Variants in NRG3 observed in about 807,000 individuals in gnomAD.
The protein encoded by NRG3 is pro-neuregulin-3, membrane-bound isoform.
Under a neutral mutation model 66.9 loss-of-function variants are expected in NRG3, and 31 were observed. The observed-to-expected ratio is 0.46, with a 90% confidence interval of 0.35 to 0.63. The LOEUF (loss-of-function observed/expected upper bound fraction) is 0.63, where lower values mean the gene tolerates loss of function less well. NRG3 is among the 20% of genes least tolerant of loss of function. NRG3 has a pLI of 0.00. For synonymous variants in NRG3, 393 were observed against 359.4 expected, an observed-to-expected ratio of 1.09 and a Z score of -1.06; for missense variants, 910 against 878.9, an observed-to-expected ratio of 1.04 and a Z score of -0.45.
chr10:82,553,197 C>T (rs1300413314), intron 2 of NRG3, among the ~76,000 whole-genome samples: 2 of 152,032 alleles, frequency 1.3e-5, no homozygotes, highest in African/African-American at 2.4e-5. Context: ...TTGTCCACAG[C>T]GGTCATAATA....
chr10:82,730,896 C>T (rs1467299097), intron 2 of NRG3, among the ~76,000 whole-genome samples: 5 of 152,070 alleles, frequency 3.3e-5, no homozygotes, highest in Admixed American at 6.6e-5. Flanking sequence ...TTTTGTCCAC[C>T]CAGAACACAC....
intron 3 of NRG3, among the ~76,000 whole-genome samples, chr10:82,775,408 G>C (rs375298700): frequency 4.0e-5 from 6 of 151,740 alleles, no homozygotes; most frequent in East Asian, 1.9e-4. Flanking sequence ...CTTTATATTT[G>C]TGAATTTACC....
chr10:82,487,086 C>CTA (rs991933031), intron 2 of NRG3, among the ~76,000 whole-genome samples: 17 of 147,730 alleles, frequency 1.2e-4, no homozygotes, highest in African/African-American at 3.7e-4. Context: ...ATATAATACA[C>CTA]TATATATATC....
At chr10:82,874,848 G>T (rs1422100575) in intron 4 of NRG3, among the ~76,000 whole-genome samples, 1 of 152,176 alleles carries the variant, frequency 6.6e-6, no homozygotes, top group Non-Finnish European at 1.5e-5. Flanking sequence ...TTTCCTCAAA[G>T]AGGTTGTACT....
Position 82,146,715 on chromosome 10 carries a change from A to T in NRG3, c.824-212024A>T, listed in dbSNP as rs369076204. Among the ~76,000 whole-genome samples, 13 of 152,182 alleles carry T rather than the reference A, an allele frequency of 8.5e-5. No homozygotes were observed. The East Asian group carries it at 1.2e-3, about 14-fold the overall frequency. Reference sequence around the variant, plus strand: ...GTATGGAAGGAGGTGGGAAGTGGAGAAAGGAGAGTAACCCATTACCTGTCT... The same window carrying T: ...GTATGGAAGGAGGTGGGAAGTGGAGTAAGGAGAGTAACCCATTACCTGTCT... On this transcript the variant is annotated intron_variant, in intron 1 of 8. Transcript: ENST00000372141.
intron 2 of NRG3, among the ~76,000 whole-genome samples, chr10:82,529,563 C>G (rs1178958767): frequency 2.6e-5 from 4 of 152,166 alleles, no homozygotes; most frequent in Non-Finnish European, 4.4e-5. Flanking sequence ...ACCTTTTTAG[C>G]AGCAGTAGCT....
intron 1 of NRG3, chr10:82,232,479 C>T: frequency 2.1e-5 from 8 of 385,598 alleles, no homozygotes; most frequent in Non-Finnish European, 4.0e-5. Context: ...CTTGTGCTTA[C>T]AGTAGAGATG....
chr10:82,698,832 C>T (rs2055609199), intron 2 of NRG3, among the ~76,000 whole-genome samples: 1 of 152,094 alleles, frequency 6.6e-6, no homozygotes, highest in South Asian at 2.1e-4. Flanking sequence ...GTACTCAGTG[C>T]CACTCTCCAA....
chr10:82,095,300 C>A (rs1240888871), intron 1 of NRG3, among the ~76,000 whole-genome samples: 8 of 148,694 alleles, frequency 5.4e-5, no homozygotes, highest in African/African-American at 7.4e-5. Flanking sequence ...TTGCTTAAGC[C>A]AAAAAAAAAA....
intron 1 of NRG3, among the ~76,000 whole-genome samples, chr10:82,292,911 G>T (rs915857781): frequency 6.6e-6 from 1 of 152,174 alleles, no homozygotes; most frequent in Admixed American, 6.5e-5. Flanking sequence ...TCTGCATCTT[G>T]AGGGTGTCAA....
chr10:82,721,304 T>A (rs1021664267), intron 2 of NRG3, among the ~76,000 whole-genome samples: 1 of 150,408 alleles, frequency 6.6e-6, no homozygotes, highest in Non-Finnish European at 1.5e-5. Flanking sequence ...GCTAATTTTT[T>A]GTATTTTTTT....
At chr10:82,310,338 T>C (rs1347827664) in intron 1 of NRG3, among the ~76,000 whole-genome samples, 1 of 152,212 alleles carries the variant, frequency 6.6e-6, no homozygotes, top group Non-Finnish European at 1.5e-5. Context: ...TCAGGTTGAA[T>C]GCTGTTCATT....
intron 1 of NRG3, among the ~76,000 whole-genome samples, chr10:82,086,128 T>A (rs2065712255): frequency 6.6e-6 from 1 of 151,806 alleles, no homozygotes; most frequent in Non-Finnish European, 1.5e-5. Flanking sequence ...AAAAAAAATC[T>A]AACCTGAAGC....
intron 2 of NRG3, among the ~76,000 whole-genome samples, chr10:82,457,659 C>T (rs2091330797): frequency 6.6e-6 from 1 of 152,168 alleles, no homozygotes; most frequent in Non-Finnish European, 1.5e-5. Context: ...AACAACAGTG[C>T]TCTGTGTTTA....
intron 1 of NRG3, among the ~76,000 whole-genome samples, chr10:82,272,201 C>T (rs1438557925): frequency 2.0e-5 from 3 of 151,970 alleles, no homozygotes; most frequent in African/African-American, 7.2e-5. Flanking sequence ...TTGATACCTG[C>T]ATGATGATAA....
chr10:81,931,890 A>G (rs1389106457), intron 1 of NRG3, among the ~76,000 whole-genome samples: 2 of 152,200 alleles, frequency 1.3e-5, no homozygotes, highest in Non-Finnish European at 2.9e-5. Context: ...ACTAAAAACA[A>G]TGCCATTACA....
At chr10:82,312,517 G>A (rs2081081824) in intron 1 of NRG3, among the ~76,000 whole-genome samples, 2 of 152,174 alleles carry the variant, frequency 1.3e-5, no homozygotes, top group South Asian at 4.1e-4. Context: ...CCTAGCTCCT[G>A]CCGTGAAAGT....
intron 1 of NRG3, among the ~76,000 whole-genome samples, chr10:82,202,545 T>A (rs551388936): frequency 2.6e-5 from 4 of 152,188 alleles, no homozygotes; most frequent in African/African-American, 9.6e-5. Flanking sequence ...TAAACTTACA[T>A]TATTTTCTAT....
intron 2 of NRG3, among the ~76,000 whole-genome samples, chr10:82,596,738 A>G (rs1368090691): frequency 6.6e-6 from 1 of 152,204 alleles, no homozygotes; most frequent in East Asian, 1.9e-4. Context: ...ATGTAAGACA[A>G]TCTGAGAGTG....
Sources: gnomAD v4.1 joint callset for allele counts (sites outside exome capture counted in the v4.1 genomes callset) on GRCh38, gnomAD v4.1.1 for gene constraint, MANE v1.5 for transcripts, NCBI Gene and HGNC (gene_info 2026-07-23, HGNC 2026-07-21) for gene names.